Variants in WDPCP observed in about 807,000 individuals in gnomAD.
WDPCP encodes WD repeat containing planar cell polarity effector, also known as WD repeat-containing and planar cell polarity effector protein fritz homolog.
Under a neutral mutation model 93.1 loss-of-function variants are expected in WDPCP, and 71 were observed. The ratio of observed to expected loss-of-function variants is 0.76; its 90% CI spans 0.63 to 0.93. The LOEUF is 0.93. WDPCP is among the 40% of genes least tolerant of loss of function. WDPCP has a pLI of 0.00. For missense variants in WDPCP, 844 were observed against 887.4 expected (o/e 0.95, Z 0.62); for synonymous variants, 315 against 315.0 (o/e 1.00, Z 0.00).
intron 2 of WDPCP, among the ~76,000 whole-genome samples, chr2:63,800,492 A>G (rs919913512): frequency 2.6e-5 from 4 of 152,156 alleles, no homozygotes; most frequent in Non-Finnish European, 4.4e-5. Context: ...ATTTTTTTCT[A>G]ATTAAATAAA....
intron 14 of WDPCP, among the ~76,000 whole-genome samples, chr2:63,255,269 T>C (rs776756148): frequency 2.6e-5 from 4 of 152,180 alleles, no homozygotes; most frequent in Non-Finnish European, 4.4e-5. Context: ...CTAGAGCTTC[T>C]AGTCAGTGCA....
chr2:63,661,142 T>C (rs760505009), intron 2 of WDPCP, among the ~76,000 whole-genome samples: 1 of 152,214 alleles, frequency 6.6e-6, no homozygotes, highest in East Asian at 1.9e-4. Context: ...CTCACAGTTT[T>C]TATGGGTTCT....
At chr2:63,335,204 C>T (rs539657958) in intron 12 of WDPCP, among the ~76,000 whole-genome samples, 4 of 152,248 alleles carry the variant, frequency 2.6e-5, no homozygotes, top group Admixed American at 2.6e-4. Flanking sequence ...AAATTTCTTC[C>T]TCTTTCACCA....
At chr2:63,530,632 T>A (rs1461970914) in intron 1 of WDPCP, among the ~76,000 whole-genome samples, 2 of 152,194 alleles carry the variant, frequency 1.3e-5, no homozygotes, top group African/African-American at 4.8e-5. Flanking sequence ...AGTAATAAAC[T>A]GTCCTTCATC....
chr2:63,505,661 C>T (rs1407285985), intron 1 of WDPCP, among the ~76,000 whole-genome samples: 1 of 152,046 alleles, frequency 6.6e-6, no homozygotes, highest in Admixed American at 6.6e-5. Flanking sequence ...ATGTGCTTCT[C>T]TTTCATGAAC....
intron 2 of WDPCP, chr2:63,684,549 CCA>C: frequency 1.4e-6 from 1 of 712,724 alleles, no homozygotes; most frequent in South Asian, 1.4e-5. Context: ...CACCTAATGC[CCA>C]CAAGGTACTC....
chr2:63,186,506 T>C (rs1158535183), intron 14 of WDPCP, among the ~76,000 whole-genome samples: 1 of 152,220 alleles, frequency 6.6e-6, no homozygotes, highest in African/African-American at 2.4e-5. Flanking sequence ...CTGAGAAAAA[T>C]ACTGGAGCAT....
At chr2:63,563,514 G>A (rs1706789929) in intron 1 of WDPCP, among the ~76,000 whole-genome samples, 1 of 149,638 alleles carries the variant, frequency 6.7e-6, no homozygotes, top group African/African-American at 2.5e-5. Context: ...CAAATCCATA[G>A]AGACACTGAG....
chr2:63,692,238 CAT>C, intron 2 of WDPCP, among the ~76,000 whole-genome samples: 1 of 151,930 alleles, frequency 6.6e-6, no homozygotes, highest in South Asian at 2.1e-4. Flanking sequence ...AAAATCACGA[CAT>C]AATTTAAAAC....
At chr2:63,755,828 A>T (rs1669959931) in intron 2 of WDPCP, among the ~76,000 whole-genome samples, 2 of 152,226 alleles carry the variant, frequency 1.3e-5, no homozygotes, top group Non-Finnish European at 2.9e-5. Flanking sequence ...TAATTTGTCT[A>T]CACACTCGCT....
intron 9 of WDPCP, among the ~76,000 whole-genome samples, chr2:63,407,762 C>T (rs1330861346): frequency 2.6e-5 from 4 of 152,150 alleles, no homozygotes; most frequent in Non-Finnish European, 5.9e-5. Flanking sequence ...AAAAACTGTG[C>T]TGGTAGGAAG....
intron 10 of WDPCP, among the ~76,000 whole-genome samples, chr2:63,391,136 C>G (rs1693204963): frequency 6.6e-6 from 1 of 152,164 alleles, no homozygotes; most frequent in African/African-American, 2.4e-5. Flanking sequence ...AAGCAAAAAT[C>G]CTCAATAAAA....
chr2:63,622,422 A>G, intron 3 of WDPCP: 5 of 1,613,866 alleles, frequency 3.1e-6, no homozygotes, highest in South Asian at 1.1e-5. Context: ...GGAGACACCA[A>G]ATAAGCTAGA....
chr2:63,221,308 C>T (rs1320492321), intron 14 of WDPCP, among the ~76,000 whole-genome samples: 1 of 152,212 alleles, frequency 6.6e-6, no homozygotes, highest in Non-Finnish European at 1.5e-5. Flanking sequence ...GCTAAAGCAG[C>T]TGTTTTGTAA....
At chr2:63,532,553 T>C (rs975760297) in intron 1 of WDPCP, among the ~76,000 whole-genome samples, 19 of 152,194 alleles carry the variant, frequency 1.2e-4, no homozygotes, top group African/African-American at 4.3e-4. Flanking sequence ...GGGGCCAATA[T>C]TCAACATTCT....
intron 12 of WDPCP, among the ~76,000 whole-genome samples, chr2:63,314,234 T>A (rs1238198821): frequency 6.6e-6 from 1 of 151,544 alleles, no homozygotes; most frequent in African/African-American, 2.4e-5. Flanking sequence ...TGGAGTACAG[T>A]GGTGCAATCA....
chr2:63,738,174 C>T (rs757855279), intron 2 of WDPCP, among the ~76,000 whole-genome samples: 9 of 151,966 alleles, frequency 5.9e-5, no homozygotes, highest in African/African-American at 9.7e-5. Flanking sequence ...TCATCTGACC[C>T]GTTTTATTCA....
intron 2 of WDPCP, among the ~76,000 whole-genome samples, chr2:63,729,912 A>C (rs948411147): frequency 6.6e-6 from 1 of 152,184 alleles, no homozygotes; most frequent in African/African-American, 2.4e-5. Flanking sequence ...GCTGAAATTC[A>C]TCAAATATAG....
intron 2 of WDPCP, among the ~76,000 whole-genome samples, chr2:63,488,209 G>T (rs1575512323): frequency 6.6e-6 from 1 of 151,896 alleles, no homozygotes; most frequent in South Asian, 2.1e-4. Flanking sequence ...TTCATTGAAG[G>T]AACATTTGTT....
Sources: allele counts gnomAD v4.1 joint callset (sites outside exome capture counted in the v4.1 genomes callset), GRCh38; gene constraint gnomAD v4.1.1; transcripts MANE v1.5; gene names NCBI Gene and HGNC (gene_info 2026-07-23, HGNC 2026-07-21).